The following HPSE2 variants were observed in gnomAD, a reference collection of about 807,000 sequenced individuals.
HPSE2 encodes the protein heparanase 2 (inactive).
HPSE2 carries 38 observed loss-of-function variants against 60.5 expected under a neutral mutation model. That is an observed-to-expected ratio of 0.63 (90% CI 0.48 to 0.82). The LOEUF (loss-of-function observed/expected upper bound fraction) is 0.82, where lower values mean the gene tolerates loss of function less well. Ranked by LOEUF, HPSE2 falls within the 40% of genes least tolerant of loss-of-function variation. The pLI is 0.00. For missense variants in HPSE2, 713 were observed against 740.4 expected (o/e 0.96, Z 0.43); for synonymous variants, 295 against 293.2 (o/e 1.01, Z -0.06).
At chr10:98,485,848 C>T (rs1941420339) in intron 10 of HPSE2, among the ~76,000 whole-genome samples, 1 of 152,110 alleles carries the variant, frequency 6.6e-6, no homozygotes, top group African/African-American at 2.4e-5. Context: ...TGAGTTTCTC[C>T]TCTGCAGAGC....
At chr10:98,677,556 A>G (rs1173065145) in intron 6 of HPSE2, among the ~76,000 whole-genome samples, 2 of 152,206 alleles carry the variant, frequency 1.3e-5, no homozygotes, top group Non-Finnish European at 2.9e-5. Context: ...TTTAGTCTTC[A>G]TGATAGTTTT....
intron 3 of HPSE2, among the ~76,000 whole-genome samples, chr10:98,857,686 A>T (rs1010379118): frequency 6.6e-6 from 1 of 152,120 alleles, no homozygotes; most frequent in Non-Finnish European, 1.5e-5. Context: ...AGAAGCAAAG[A>T]TGAGAATTAA....
chr10:98,565,582 G>A (rs1472807823), intron 9 of HPSE2, among the ~76,000 whole-genome samples: 1 of 152,060 alleles, frequency 6.6e-6, no homozygotes, highest in Non-Finnish European at 1.5e-5. Context: ...ATCTTTGGTG[G>A]GCATTTGGGT....
At chr10:98,716,468 T>A (rs545414366) in intron 5 of HPSE2, among the ~76,000 whole-genome samples, 1 of 79,094 alleles carries the variant, frequency 1.3e-5, no homozygotes, top group Non-Finnish European at 3.4e-5. Context: ...TAAATAAATT[T>A]AAAAAAATAA....
chr10:98,634,293 T>C (rs768203213), intron 7 of HPSE2, among the ~76,000 whole-genome samples: 2 of 152,222 alleles, frequency 1.3e-5, no homozygotes, highest in African/African-American at 2.4e-5. Context: ...TGCTATGTGA[T>C]AGGCACTGGG....
intron 11 of HPSE2, chr10:98,461,955 T>C (rs1940310312): frequency 4.1e-6 from 3 of 727,194 alleles, no homozygotes; most frequent in Non-Finnish European, 7.3e-6. Context: ...CCAGGAAGCA[T>C]GGTGAAGATT....
intron 6 of HPSE2, among the ~76,000 whole-genome samples, chr10:98,678,932 A>G (rs2484940): frequency 0.35 from 53,725 of 151,902 alleles, 9,737 homozygotes; most frequent in Admixed American, 0.41. Context: ...AACAGAACCA[A>G]AACAAACAAA....
At chr10:98,556,985 G>A (rs575543712) in intron 9 of HPSE2, among the ~76,000 whole-genome samples, 1 of 152,016 alleles carries the variant, frequency 6.6e-6, no homozygotes, top group African/African-American at 2.4e-5. Context: ...CTGAGGGGGC[G>A]TGGATCTCGA....
chr10:98,665,578 C>T lies in HPSE2; in HGVS notation c.1005-23638G>A, dbSNP rs149788389. On this transcript the variant is annotated intron_variant, in intron 6 of 11. Coordinates refer to ENST00000370552, the MANE Select transcript of HPSE2 (RefSeq NM_021828.5). ...TACAAAGGGAACCCCATCAGGCTAG[C>T]AGCAGACCTTTCAGCAGAAAACTTA... Among the ~76,000 whole-genome samples, 397 of 152,280 alleles carry T rather than the reference C, an allele frequency of 2.6e-3. 3 individuals carry two copies. Among genetic ancestry groups the T allele is most frequent in the African/African-American group, 9.1e-3 (377 of 41,574 alleles).
intron 9 of HPSE2, among the ~76,000 whole-genome samples, chr10:98,514,944 G>A (rs866314000): frequency 9.9e-5 from 15 of 151,526 alleles, no homozygotes; most frequent in Middle Eastern, 3.4e-3. Flanking sequence ...GACTGGTCTC[G>A]AGCTCCTGAC....
chr10:98,809,440 A>G (rs1025499426), intron 3 of HPSE2, among the ~76,000 whole-genome samples: 10 of 152,092 alleles, frequency 6.6e-5, no homozygotes, highest in Admixed American at 2.6e-4. Flanking sequence ...TAGGGCTATG[A>G]TATATTATTA....
At chr10:98,949,021 G>C (rs920597459) in intron 3 of HPSE2, among the ~76,000 whole-genome samples, 2 of 152,198 alleles carry the variant, frequency 1.3e-5, no homozygotes, top group East Asian at 1.9e-4. Flanking sequence ...GAAGTCAAAA[G>C]TTATGTGCAA....
the HPSE2 span, among the ~76,000 whole-genome samples, chr10:99,266,330 C>T: frequency 1.3e-4 from 20 of 151,210 alleles, no homozygotes; most frequent in Non-Finnish European, 1.6e-4. Context: ...ATGAGACCAA[C>T]GTTTTGGGCT....
chr10:98,842,427 TAG>T (rs1334214815), intron 3 of HPSE2, among the ~76,000 whole-genome samples: 2 of 152,082 alleles, frequency 1.3e-5, no homozygotes. Context: ...CTGGTTTTGG[TAG>T]AGTTTGCCAA....
At chr10:99,283,218 A>G in the HPSE2 span, among the ~76,000 whole-genome samples, 3 of 4,282 alleles carry the variant, frequency 7.0e-4, no homozygotes, top group Admixed American at 2.7e-3. Flanking sequence ...AAAAAAAAAC[A>G]GAAGGATTTC....
chr10:98,743,324 C>G (rs370929095), intron 4 of HPSE2, among the ~76,000 whole-genome samples: 478 of 152,188 alleles, frequency 3.1e-3, no homozygotes, highest in Middle Eastern at 6.8e-3. Flanking sequence ...GGCTGCACAC[C>G]CTTGAAACTA....
At chr10:99,096,125 T>C (rs923957062) in intron 3 of HPSE2, among the ~76,000 whole-genome samples, 2 of 152,174 alleles carry the variant, frequency 1.3e-5, no homozygotes, top group African/African-American at 4.8e-5. Context: ...AAAACGAAAT[T>C]GAGATCATTC....
chr10:98,620,574 T>C (rs749314881), intron 8 of HPSE2, 28 bp downstream of exon 8: 13 of 1,535,590 alleles, frequency 8.5e-6, no homozygotes, highest in Non-Finnish European at 1.2e-5. Context: ...TGAAAGCCCC[T>C]GGGGGTGAAC....
chr10:99,059,988 C>T (rs1387359207), intron 3 of HPSE2, among the ~76,000 whole-genome samples: 1 of 151,802 alleles, frequency 6.6e-6, no homozygotes, highest in African/African-American at 2.4e-5. Flanking sequence ...TAAAAACCTA[C>T]AGAAATTGTA....
Sources: gnomAD v4.1 joint callset for allele counts (sites outside exome capture counted in the v4.1 genomes callset) on GRCh38, gnomAD v4.1.1 for gene constraint, MANE v1.5 for transcripts, NCBI Gene and HGNC (gene_info 2026-07-23, HGNC 2026-07-21) for gene names.